The following HEATR5A variants were observed in gnomAD, a reference collection of about 807,000 sequenced individuals.
HEATR5A encodes HEAT repeat-containing protein 5A.
HEATR5A carries 178 observed loss-of-function variants against 218.8 expected under a neutral mutation model. The ratio of observed to expected loss-of-function variants is 0.81; its 90% CI spans 0.72 to 0.92. The LOEUF is 0.92. Among genes scored for constraint, HEATR5A ranks in the 40% least tolerant of loss-of-function variants. The pLI is 0.00. For missense variants in HEATR5A, 2,420 were observed against 2,418.9 expected, an observed-to-expected ratio of 1.00 and a Z score of -0.01; for synonymous variants, 864 against 871.6, an observed-to-expected ratio of 0.99 and a Z score of 0.15.
At chr14:31,367,389 A>G (rs1901840529) in intron 13 of HEATR5A, among the ~76,000 whole-genome samples, 1 of 151,702 alleles carries the variant, frequency 6.6e-6, no homozygotes, top group East Asian at 1.9e-4. Context: ...TCTCAAATAA[A>G]ATTTATCTTA....
intron 9 of HEATR5A, among the ~76,000 whole-genome samples, chr14:31,384,068 A>G (rs1350880173): frequency 1.3e-5 from 2 of 152,192 alleles, no homozygotes; most frequent in African/African-American, 4.8e-5. Context: ...TAAATAAGCC[A>G]ATCTCTTATT....
intron 22 of HEATR5A, among the ~76,000 whole-genome samples, chr14:31,327,904 A>G (rs1179603707): frequency 6.6e-6 from 1 of 152,202 alleles, no homozygotes; most frequent in African/African-American, 2.4e-5. Flanking sequence ...CTCATCTAGC[A>G]TTTATGAAAG....
chr14:31,314,552 G>T (rs755603527), intron 27 of HEATR5A, among the ~76,000 whole-genome samples: 2 of 151,848 alleles, frequency 1.3e-5, no homozygotes, highest in East Asian at 3.9e-4. Context: ...CTACCGTGCC[G>T]GCCTAATTTA....
chr14:31,399,385 C>T (rs2030784906), intron 3 of HEATR5A, among the ~76,000 whole-genome samples: 1 of 152,138 alleles, frequency 6.6e-6, no homozygotes, highest in Non-Finnish European at 1.5e-5. Context: ...TTCAACAGAA[C>T]TCAGCTACAT....
chr14:31,389,862 A>T (rs1288872821), intron 6 of HEATR5A, among the ~76,000 whole-genome samples: 1 of 152,158 alleles, frequency 6.6e-6, no homozygotes, highest in Non-Finnish European at 1.5e-5. Flanking sequence ...TGCTCTGTGG[A>T]TCATAAATTC....
Position 31,321,528 on chromosome 14 carries a change from G to C in HEATR5A, c.3940C>G (p.His1314Asp), listed in dbSNP as rs199988955. 6 of 1,601,324 alleles carry C rather than the reference G, an allele frequency of 3.7e-6. No individual in the cohort carries two copies. In the Admixed American group the frequency reaches 5.2e-5, roughly 14 times the overall value. Residue 1314 changes from histidine (H) to aspartate (D), a missense_variant, in exon 25 of 36, where the codon CAT (histidine) becomes GAT (aspartate). Transcript: ENST00000543095. Reference protein sequence around the residue: ...ATVPEPEFPGHVILEQYQANV... With the variant: ...ATVPEPEFPGDVILEQYQANV... ...GCTTGATACTGTTCCAGAATCACAT[G>C]ACCTGGAAACTCTGGTTCTGGAACA...
At chr14:31,357,393 T>C (rs748201607) in intron 16 of HEATR5A, among the ~76,000 whole-genome samples, 4 of 152,190 alleles carry the variant, frequency 2.6e-5, no homozygotes, top group African/African-American at 4.8e-5. Context: ...TAAGAAGATA[T>C]AATAAAAGCT....
chr14:31,371,764 T>G, intron 13 of HEATR5A, 46 bp downstream of exon 13: 1 of 909,548 alleles, frequency 1.1e-6, no homozygotes, highest in South Asian at 1.9e-5. Context: ...TAAGGAATAT[T>G]ACATAATCAG....
chr14:31,339,918 A>C (rs1900788957), intron 21 of HEATR5A, among the ~76,000 whole-genome samples: 1 of 152,240 alleles, frequency 6.6e-6, no homozygotes, highest in African/African-American at 2.4e-5. Context: ...TAGTCATTTC[A>C]ACTGGAGTTT....
rs1168781994 is a variant in HEATR5A at position 31,352,010 on chromosome 14, C to T, written c.2412-1293G>A. On this transcript the variant is annotated intron_variant, in intron 16 of 35. Coordinates refer to ENST00000543095, the MANE Select transcript of HEATR5A (RefSeq NM_015473.4). ...CTCTGCTACTGGTGAGAAAAATGTT[C>T]GAATTTTCACAATTCTAATTAAGAT... Among the ~76,000 whole-genome samples, 6 of 152,100 alleles carry T rather than the reference C, an allele frequency of 3.9e-5. No individual in the cohort carries two copies. In the South Asian group the frequency reaches 1.0e-3, roughly 26 times the overall value.
chr14:31,339,287 T>C (rs1450838854), intron 21 of HEATR5A, among the ~76,000 whole-genome samples: 4 of 148,446 alleles, frequency 2.7e-5, no homozygotes, highest in Non-Finnish European at 6.0e-5. Context: ...CTGTCTCTAC[T>C]AGTAACATAA....
chr14:31,380,690 C>G (rs943033178), intron 10 of HEATR5A, 112 bp from the exon 11 acceptor site: 1 of 680,450 alleles, frequency 1.5e-6, no homozygotes, highest in African/African-American at 1.8e-5. Context: ...TAAATGTAAA[C>G]GATAAAGAAC....
chr14:31,370,659 C>G (rs1233762285), intron 13 of HEATR5A, among the ~76,000 whole-genome samples: 1 of 152,096 alleles, frequency 6.6e-6, no homozygotes, highest in African/African-American at 2.4e-5. Context: ...GCTTTAAAAG[C>G]AGAAAATTGG....
At position 31,345,232 on chromosome 14, in the gene HEATR5A, G is replaced by A; in HGVS notation, c.2913C>T (p.Gly971=). ...GTTCCACATGCACATAATAGAGTGG[G>A]CCAGCAGAATCAATGATCAATGATA... ...HSLSLIIDSA[G]PLYYVHVEPT... The change falls in exon 20 of 36, where the codon GGC becomes GGT. Residue 971 remains glycine, a synonymous_variant. Coordinates refer to ENST00000543095, the MANE Select transcript of HEATR5A (RefSeq NM_015473.4). 1 of 1,613,164 alleles carries A rather than the reference G, an allele frequency of 6.2e-7. No homozygotes were observed. Among genetic ancestry groups the A allele is most frequent in the Non-Finnish European group, 8.5e-7 (1 of 1,179,404 alleles).
intron 22 of HEATR5A, among the ~76,000 whole-genome samples, chr14:31,335,066 G>C (rs951841086): frequency 6.6e-5 from 10 of 151,788 alleles, no homozygotes; most frequent in Non-Finnish European, 1.5e-4. Context: ...CCAGCAAAAA[G>C]ATTATGACTC....
chr14:31,400,584 C>A, intron 2 of HEATR5A, 72 bp from the exon 3 acceptor site: 1 of 1,012,506 alleles, frequency 9.9e-7, no homozygotes, highest in Non-Finnish European at 1.4e-6. Context: ...TATAATTTTT[C>A]TTTCATATAT....
intron 10 of HEATR5A, among the ~76,000 whole-genome samples, chr14:31,382,685 A>G (rs2030044081): frequency 6.6e-6 from 1 of 151,580 alleles, no homozygotes; most frequent in South Asian, 2.1e-4. Flanking sequence ...TATTTGTCTG[A>G]TTCTAAATTT....
At chr14:31,380,615 T>A (rs1475148657) in intron 10 of HEATR5A, 37 bp from the exon 11 acceptor site, 4 of 1,339,964 alleles carry the variant, frequency 3.0e-6, no homozygotes, top group Non-Finnish European at 4.2e-6. Flanking sequence ...AAAAAGCATA[T>A]CAGTTTATAA....
intron 16 of HEATR5A, among the ~76,000 whole-genome samples, chr14:31,352,740 C>T (rs1358542140): frequency 6.6e-6 from 1 of 152,106 alleles, no homozygotes; most frequent in Non-Finnish European, 1.5e-5. Flanking sequence ...GGAAGATCAC[C>T]TGATGTCAGG....
Sources: gnomAD v4.1 joint callset for allele counts (sites outside exome capture counted in the v4.1 genomes callset) on GRCh38, gnomAD v4.1.1 for gene constraint, MANE v1.5 for transcripts, NCBI Gene and HGNC (gene_info 2026-07-23, HGNC 2026-07-21) for gene names.